MYO3A: variants seen among roughly 807,000 people sequenced by gnomAD.
The protein encoded by MYO3A is myosin IIIA.
Under a neutral mutation model 192.7 loss-of-function variants are expected in MYO3A, and 180 were observed. The observed-to-expected ratio is 0.93, with a 90% CI of 0.83 to 1.06. The LOEUF is 1.06. Ranked by LOEUF, MYO3A falls within the 50% of genes least tolerant of loss-of-function variation. The pLI is 0.00. For synonymous variants in MYO3A, 628 were observed against 645.3 expected (o/e 0.97, Z 0.41); for missense variants, 1,896 against 1,905.0 (o/e 1.00, Z 0.09).
At chr10:26,054,066 G>A (rs1351632997) in intron 10 of MYO3A, among the ~76,000 whole-genome samples, 1 of 152,082 alleles carries the variant, frequency 6.6e-6, no homozygotes, top group Non-Finnish European at 1.5e-5. Context: ...GAGTAATTGG[G>A]GACACACTGT....
intron 4 of MYO3A, among the ~76,000 whole-genome samples, chr10:25,965,767 C>T (rs538419061): frequency 1.3e-5 from 2 of 152,168 alleles, no homozygotes; most frequent in South Asian, 4.2e-4. Flanking sequence ...AGTTTAAATG[C>T]TCCCTCTGTG....
intron 17 of MYO3A, among the ~76,000 whole-genome samples, chr10:26,115,683 T>C (rs950736583): frequency 1.3e-5 from 2 of 152,220 alleles, no homozygotes; most frequent in African/African-American, 4.8e-5. Flanking sequence ...CTTGAACTTA[T>C]ATAAAAATTT....
chr10:25,948,484 ATAAT>A (rs1182003796), intron 2 of MYO3A, among the ~76,000 whole-genome samples: 1 of 152,060 alleles, frequency 6.6e-6, no homozygotes, highest in African/African-American at 2.4e-5. Context: ...TATGTTGAAA[ATAAT>A]TATTTGGCTT....
intron 22 of MYO3A, among the ~76,000 whole-genome samples, chr10:26,147,006 T>C (rs1271852298): frequency 6.6e-6 from 1 of 152,208 alleles, no homozygotes; most frequent in Non-Finnish European, 1.5e-5. Context: ...AAAGCCACAG[T>C]GTTTTTAAAT....
intron 23 of MYO3A, among the ~76,000 whole-genome samples, chr10:26,152,458 G>T (rs1374664633): frequency 6.6e-6 from 1 of 152,140 alleles, no homozygotes; most frequent in Non-Finnish European, 1.5e-5. Context: ...ATGTCTTCAA[G>T]ATTCTAAAAT....
intron 14 of MYO3A, among the ~76,000 whole-genome samples, chr10:26,073,153 G>A (rs1029920751): frequency 1.3e-5 from 2 of 152,164 alleles, no homozygotes; most frequent in Non-Finnish European, 2.9e-5. Flanking sequence ...GAGCTAAGGA[G>A]GTTGAGGTTG....
intron 4 of MYO3A, among the ~76,000 whole-genome samples, chr10:25,986,295 C>T (rs1235065525): frequency 1.3e-5 from 2 of 152,130 alleles, no homozygotes; most frequent in African/African-American, 4.8e-5. Flanking sequence ...AGAACTGAAA[C>T]AAGACAGGGA....
rs140714969 is a variant in MYO3A, at chr10:25,948,599, G to A, written c.-17-3495G>A. ...TGCTAAAGTATTAGGGAAAATATAT[G>A]AACATTCATTTTTATGTCAAATGCA... On this transcript the variant is annotated intron_variant, in intron 2 of 34. Transcript: ENST00000642920. Among the ~76,000 whole-genome samples the A allele has an allele frequency of 5.0e-3, 758 of 152,090 alleles. 7 individuals carry two copies. Among genetic ancestry groups the A allele is most frequent in the African/African-American group, 0.017 (719 of 41,508 alleles).
intron 4 of MYO3A, among the ~76,000 whole-genome samples, chr10:25,988,311 AG>A (rs1247954173): frequency 1.3e-5 from 2 of 152,190 alleles, no homozygotes; most frequent in East Asian, 3.8e-4. Context: ...TCACCACTAA[AG>A]AACTTATTCT....
chr10:25,973,556 C>G (rs765603494), intron 4 of MYO3A, among the ~76,000 whole-genome samples: 2 of 152,108 alleles, frequency 1.3e-5, no homozygotes, highest in Non-Finnish European at 2.9e-5. Flanking sequence ...TCATCATGTG[C>G]TGGTTTTCAT....
intron 4 of MYO3A, among the ~76,000 whole-genome samples, chr10:25,960,663 A>T (rs1837866935): frequency 6.6e-6 from 1 of 152,216 alleles, no homozygotes; most frequent in East Asian, 1.9e-4. Flanking sequence ...GTGGATCATC[A>T]TAAAGGTCTT....
chr10:26,147,438 T>C lies in MYO3A; in HGVS notation c.2514T>C (p.Tyr838=), dbSNP rs1840538342. The C allele has an allele frequency of 6.2e-7, 1 of 1,613,226 alleles. No individual in the cohort carries two copies. Among genetic ancestry groups the C allele is most frequent in the Non-Finnish European group, 8.5e-7 (1 of 1,179,250 alleles). ...GCATACTGTATCAACAGGTCCTCTA[T>C]AATGCAAGTGGATTCTTAGCCAAAA... ...GIHHYAGKVL[Y]NASGFLAKNR... is the part of the protein sequence containing the mutation. Residue 838 remains tyrosine (Y), a synonymous_variant, in exon 23 of 35, where the codon TAT becomes TAC. Coordinates refer to ENST00000642920, the MANE Select transcript of MYO3A (RefSeq NM_017433.5).
rs2131969453 is a variant in MYO3A at position 26,162,424 on chromosome 10, A to G, written c.3000-3643A>G. Among the ~76,000 whole-genome samples, 2 of 152,332 alleles carry G rather than the reference A, an allele frequency of 1.3e-5. 1 individual carries two copies. The highest frequency in any genetic ancestry group is 1.3e-4 in the Admixed American group (2 of 15,312). On this transcript the variant is annotated intron_variant, in intron 26 of 34. Transcript: ENST00000642920. ...CTTTGAGTGTACATCTATTAATTAT[A>G]GTTTATTGGCTCTTTCTTGCATAAG... is the stretch of plus-strand genomic sequence containing the variant.
intron 17 of MYO3A, among the ~76,000 whole-genome samples, chr10:26,114,805 A>G (rs1426017451): frequency 6.6e-6 from 1 of 152,208 alleles, no homozygotes; most frequent in Non-Finnish European, 1.5e-5. Context: ...TGTCCTCAGT[A>G]AGTTTATAAT....
chr10:26,074,908 A>AT (rs1361460607), intron 14 of MYO3A, among the ~76,000 whole-genome samples: 1 of 151,786 alleles, frequency 6.6e-6, no homozygotes, highest in Admixed American at 6.6e-5. Context: ...TTTTGAGGTG[A>AT]TTTTTTGTGT....
chr10:26,199,596 T>C (rs1187928835), intron 32 of MYO3A, among the ~76,000 whole-genome samples: 12 of 151,738 alleles, frequency 7.9e-5, no homozygotes, highest in Admixed American at 7.9e-4. Flanking sequence ...AAAAAGAATA[T>C]TCTAACACAG....
intron 10 of MYO3A, among the ~76,000 whole-genome samples, chr10:26,055,786 T>G (rs1254733278): frequency 6.6e-6 from 1 of 152,206 alleles, no homozygotes; most frequent in Non-Finnish European, 1.5e-5. Flanking sequence ...GAGGCACTTG[T>G]GAAGATCACA....
intron 17 of MYO3A, among the ~76,000 whole-genome samples, chr10:26,116,264 C>A (rs1317946320): frequency 6.6e-6 from 1 of 152,144 alleles, no homozygotes; most frequent in Non-Finnish European, 1.5e-5. Flanking sequence ...GTTCTATGCT[C>A]CGCTCCGAGT....
At chr10:26,022,019 A>G (rs191150618) in intron 8 of MYO3A, 242 of 170,364 alleles carry the variant, frequency 1.4e-3, no homozygotes, top group Non-Finnish European at 2.6e-3. Flanking sequence ...ATTTTTTACT[A>G]CTTGCTAAGA....
Sources: allele counts gnomAD v4.1 joint callset (sites outside exome capture counted in the v4.1 genomes callset), GRCh38; gene constraint gnomAD v4.1.1; transcripts MANE v1.5; gene names NCBI Gene and HGNC (gene_info 2026-07-23, HGNC 2026-07-21).